The following METTL15 variants were observed in gnomAD, a reference collection of about 807,000 sequenced individuals.
METTL15 encodes the protein methyltransferase 15, mitochondrial 12S rRNA N4-cytidine.
METTL15 carries 34 observed loss-of-function variants against 38.3 expected under a neutral mutation model. That is an observed-to-expected ratio of 0.89 (90% CI 0.68 to 1.18). The LOEUF is 1.18. Ranked by LOEUF, METTL15 falls within the 50% of genes most tolerant of loss-of-function variation. METTL15 has a pLI of 0.00. For synonymous variants in METTL15, 162 were observed against 170.9 expected (o/e 0.95, Z 0.41); for missense variants, 438 against 498.4 (o/e 0.88, Z 1.15).
intron 3 of METTL15, among the ~76,000 whole-genome samples, chr11:28,351,014 A>G (rs1850036234): frequency 6.6e-6 from 1 of 152,238 alleles, no homozygotes; most frequent in Non-Finnish European, 1.5e-5. Context: ...AATGAGCTCC[A>G]TTAATTTCTC....
chr11:28,235,450 C>T (rs932749392), intron 4 of METTL15, among the ~76,000 whole-genome samples: 3 of 151,834 alleles, frequency 2.0e-5, no homozygotes, highest in Admixed American at 2.0e-4. Context: ...ATGGAATGCT[C>T]TTCCATTTGT....
At chr11:28,286,389 T>C (rs1856263573) in intron 4 of METTL15, among the ~76,000 whole-genome samples, 1 of 152,142 alleles carries the variant, frequency 6.6e-6, no homozygotes, top group Non-Finnish European at 1.5e-5. Flanking sequence ...CAAGTTGACA[T>C]ATAAACTACC....
At chr11:28,515,872 G>A (rs972728410) in intron 6 of METTL15, among the ~76,000 whole-genome samples, 1 of 152,154 alleles carries the variant, frequency 6.6e-6, no homozygotes, top group Non-Finnish European at 1.5e-5. Context: ...AAGAAGTGCT[G>A]GAAAGTCTCT....
intron 5 of METTL15, among the ~76,000 whole-genome samples, chr11:28,363,385 G>T (rs907775345): frequency 6.6e-6 from 1 of 152,022 alleles, no homozygotes; most frequent in African/African-American, 2.4e-5. Flanking sequence ...ATGTTTGCCA[G>T]GCTGGTCTTG....
In METTL15 at chr11:28,119,763, G is replaced by A. The variant is rs144656132; in HGVS notation, c.270+6159G>A. On this transcript the variant is annotated intron_variant, in intron 3 of 6. Transcript: ENST00000407364. ...TAAGATCAGTAGCAGTATTTTACTT[G>A]TTTTATTTAAAAATCTTTGCAATCT... Among the ~76,000 whole-genome samples, 675 of 152,172 alleles carry A rather than the reference G, an allele frequency of 4.4e-3. 4 individuals carry two copies. The highest frequency in any genetic ancestry group is 0.015 in the African/African-American group (633 of 41,530).
intron 5 of METTL15, among the ~76,000 whole-genome samples, chr11:28,368,309 AAAAC>A (rs752351585): frequency 3.3e-5 from 5 of 152,148 alleles, no homozygotes; most frequent in African/African-American, 4.8e-5. Flanking sequence ...TTTCAAGAAA[AAAAC>A]AAACAACCCC....
intron 5 of METTL15, among the ~76,000 whole-genome samples, chr11:28,371,980 TC>T (rs368487841): frequency 1.3e-5 from 2 of 152,176 alleles, no homozygotes; most frequent in East Asian, 3.9e-4. Context: ...TGCCTTTTTT[TC>T]TTTCTCTCAC....
At chr11:28,231,597 C>A (rs962602826) in intron 4 of METTL15, among the ~76,000 whole-genome samples, 20 of 151,938 alleles carry the variant, frequency 1.3e-4, no homozygotes, top group African/African-American at 4.6e-4. Flanking sequence ...TCATCTCTTA[C>A]AATTTTACAA....
intron 6 of METTL15, among the ~76,000 whole-genome samples, chr11:28,317,857 T>C (rs187719505): frequency 1.3e-5 from 2 of 152,204 alleles, no homozygotes; most frequent in African/African-American, 4.8e-5. Flanking sequence ...TCTGATATCA[T>C]ACATGAAACA....
intron 3 of METTL15, among the ~76,000 whole-genome samples, chr11:28,149,078 A>G (rs192337382): frequency 2.6e-5 from 4 of 151,964 alleles, no homozygotes; most frequent in Admixed American, 6.6e-5. Flanking sequence ...AGGCAATAAT[A>G]CACTTTATTT....
chr11:28,227,028 G>C (rs1853508081), intron 4 of METTL15, among the ~76,000 whole-genome samples: 1 of 151,848 alleles, frequency 6.6e-6, no homozygotes, highest in Non-Finnish European at 1.5e-5. Context: ...ATAGGATATT[G>C]TATTTTGCCC....
intron 6 of METTL15, among the ~76,000 whole-genome samples, chr11:28,503,645 G>A (rs976327518): frequency 2.0e-5 from 3 of 151,626 alleles, no homozygotes; most frequent in South Asian, 2.1e-4. Flanking sequence ...ATAAAAATTA[G>A]CCAGGCGTGG....
intron 4 of METTL15, among the ~76,000 whole-genome samples, chr11:28,224,432 T>TA (rs1262041003): frequency 6.6e-6 from 1 of 151,914 alleles, no homozygotes; most frequent in Admixed American, 6.6e-5. Context: ...TAATTAAAAT[T>TA]AAAAAATGCA....
At chr11:28,164,065 T>C (rs890760110) in intron 3 of METTL15, 18 of 152,138 alleles carry the variant, frequency 1.2e-4, no homozygotes, top group African/African-American at 3.9e-4. Context: ...ATCACATGTA[T>C]AGCTCTTTAA....
intron 4 of METTL15, among the ~76,000 whole-genome samples, chr11:28,257,504 C>T (rs761382482): frequency 2.0e-5 from 3 of 152,172 alleles, no homozygotes; most frequent in Non-Finnish European, 4.4e-5. Context: ...TCTAGACCTT[C>T]TCTTTAAGGC....
intron 3 of METTL15, among the ~76,000 whole-genome samples, chr11:28,117,087 A>C (rs1408574850): frequency 1.3e-5 from 2 of 152,114 alleles, no homozygotes; most frequent in Non-Finnish European, 1.5e-5. Flanking sequence ...TCAAAATGAA[A>C]TTCTCTTCGT....
intron 3 of METTL15, among the ~76,000 whole-genome samples, chr11:28,194,434 A>T (rs1461475778): frequency 6.6e-6 from 1 of 151,708 alleles, no homozygotes; most frequent in Non-Finnish European, 1.5e-5. Flanking sequence ...TCCTGACCTC[A>T]GGTGATGCAC....
intron 6 of METTL15, among the ~76,000 whole-genome samples, chr11:28,434,542 T>C (rs990374067): frequency 1.3e-5 from 2 of 152,246 alleles, no homozygotes; most frequent in Non-Finnish European, 2.9e-5. Flanking sequence ...TTTATGAATA[T>C]CACTAAAAGA....
At position 28,440,945 on chromosome 11, in the gene METTL15, T is replaced by C. The variant is rs1383778372; in HGVS notation, c.*424+16581T>C. Among the ~76,000 whole-genome samples, 3 of 152,142 alleles carry C rather than the reference T, an allele frequency of 2.0e-5. No individual in the cohort carries two copies. The East Asian group carries it at 5.8e-4, about 29-fold the overall frequency. On this transcript the variant is annotated intron_variant and NMD_transcript_variant, in intron 6 of 7. Transcript: ENST00000532947. The stretch of plus-strand genomic sequence containing the variant: ...CACTTGAAATATGGCCAGCCCAAAC[T>C]GAGATGTGCTGTTAAGTATAAAATT...
Sources: gnomAD v4.1 joint callset for allele counts (sites outside exome capture counted in the v4.1 genomes callset) on GRCh38, gnomAD v4.1.1 for gene constraint, MANE v1.5 for transcripts, NCBI Gene and HGNC (gene_info 2026-07-23, HGNC 2026-07-21) for gene names.